The following RALGPS2 variants were observed in gnomAD, a reference collection of about 807,000 sequenced individuals.
RALGPS2 encodes ras-specific guanine nucleotide-releasing factor RalGPS2.
In RALGPS2, 43 loss-of-function variants were observed where a neutral mutation model predicts 86.8. The observed-to-expected ratio is 0.50, with a 90% confidence interval of 0.39 to 0.64. The LOEUF (loss-of-function observed/expected upper bound fraction) is 0.64, where lower values mean the gene tolerates loss of function less well. RALGPS2 is among the 30% of genes least tolerant of loss of function. The pLI is 0.00. For synonymous variants in RALGPS2, 243 were observed against 231.3 expected, an observed-to-expected ratio of 1.05 and a Z score of -0.46; for missense variants, 536 against 694.6, an observed-to-expected ratio of 0.77 and a Z score of 2.57.
At chr1:178,881,401 G>A (rs1007993871) in intron 10 of RALGPS2, among the ~76,000 whole-genome samples, 3 of 152,098 alleles carry the variant, frequency 2.0e-5, no homozygotes, top group Admixed American at 6.5e-5. Context: ...CATGGCGAAC[G>A]ATGAGTCATT....
chr1:178,798,051 C>T (rs959264326), intron 4 of RALGPS2, among the ~76,000 whole-genome samples: 4 of 147,842 alleles, frequency 2.7e-5, no homozygotes, highest in Admixed American at 2.0e-4. Flanking sequence ...AAAGGGATGG[C>T]GTGAATGTAT....
At chr1:178,812,390 C>T (rs1026060605) in intron 6 of RALGPS2, among the ~76,000 whole-genome samples, 1 of 152,084 alleles carries the variant, frequency 6.6e-6, no homozygotes, top group African/African-American at 2.4e-5. Context: ...CAGAGCTACC[C>T]TCAGAAAGAA....
intron 14 of RALGPS2, among the ~76,000 whole-genome samples, chr1:178,891,598 T>C (rs1023010946): frequency 2.0e-5 from 3 of 151,954 alleles, no homozygotes; most frequent in African/African-American, 7.3e-5. Flanking sequence ...TATGTGTCTG[T>C]TTTTATTTTT....
chr1:178,892,644 A>C (rs1239778250), intron 15 of RALGPS2, among the ~76,000 whole-genome samples: 1 of 152,150 alleles, frequency 6.6e-6, no homozygotes, highest in African/African-American at 2.4e-5. Context: ...CATAAGTTGT[A>C]ATCAAAGCAT....
At chr1:178,765,565 G>A (rs1009705021) in intron 1 of RALGPS2, among the ~76,000 whole-genome samples, 3 of 152,174 alleles carry the variant, frequency 2.0e-5, no homozygotes, top group Non-Finnish European at 2.9e-5. Flanking sequence ...TTTCGGGCAC[G>A]CATTGTCATT....
intron 4 of RALGPS2, among the ~76,000 whole-genome samples, chr1:178,786,531 TC>T (rs1307581566): frequency 6.6e-6 from 1 of 151,958 alleles, no homozygotes; most frequent in Non-Finnish European, 1.5e-5. Flanking sequence ...TGTATAGTGT[TC>T]CTATCATTTT....
chr1:178,730,533 C>T (rs1232245419), intron 1 of RALGPS2, among the ~76,000 whole-genome samples: 2 of 150,202 alleles, frequency 1.3e-5, no homozygotes, highest in Non-Finnish European at 3.0e-5. Context: ...TACAAACTGT[C>T]CCAATATCAT....
intron 1 of RALGPS2, 29 bp downstream of exon 1, chr1:178,725,448 C>CGGGGGAGG (rs1379498460): frequency 5.6e-5 from 1 of 17,718 alleles, no homozygotes; most frequent in African/African-American, 2.1e-4. Context: ...CGGGGCGGTG[C>CGGGGGAGG]GGGGGAGGGA....
At chr1:178,856,206 T>G (rs12121050) in intron 8 of RALGPS2, among the ~76,000 whole-genome samples, 1,669 of 43,196 alleles carry the variant, frequency 0.039, 14 homozygotes, top group East Asian at 0.12. Flanking sequence ...GAGAGAGATA[T>G]ATATATATAT....
chr1:178,900,740 A>C (rs1414109237), intron 17 of RALGPS2, among the ~76,000 whole-genome samples: 1 of 151,998 alleles, frequency 6.6e-6, no homozygotes, highest in African/African-American at 2.4e-5. Flanking sequence ...AGCAGCAATG[A>C]CACAAACCTC....
At chr1:178,787,910 A>T (rs554778973) in intron 4 of RALGPS2, among the ~76,000 whole-genome samples, 71 of 152,250 alleles carry the variant, frequency 4.7e-4, no homozygotes, top group African/African-American at 1.7e-3. Context: ...TCTTTTCAAC[A>T]TCTGTTGGAT....
At chr1:178,735,704 A>G (rs1394097667) in intron 1 of RALGPS2, among the ~76,000 whole-genome samples, 1 of 149,610 alleles carries the variant, frequency 6.7e-6, no homozygotes, top group Non-Finnish European at 1.5e-5. Context: ...TACCTTAGAT[A>G]TATGTACATT....
intron 6 of RALGPS2, among the ~76,000 whole-genome samples, chr1:178,811,694 T>C (rs566073638): frequency 6.6e-6 from 1 of 152,182 alleles, no homozygotes; most frequent in Non-Finnish European, 1.5e-5. Flanking sequence ...AAGTATGATA[T>C]TTATAAAATA....
chr1:178,873,367 C>A (rs1482510215), intron 8 of RALGPS2, among the ~76,000 whole-genome samples: 9 of 151,912 alleles, frequency 5.9e-5, no homozygotes, highest in Admixed American at 1.3e-4. Flanking sequence ...TACGTTTAAC[C>A]TTATTACTAA....
chr1:178,853,976 G>A (rs188418858), intron 8 of RALGPS2, among the ~76,000 whole-genome samples: 14 of 151,760 alleles, frequency 9.2e-5, no homozygotes, highest in Middle Eastern at 6.8e-3. Context: ...AATTTGTTTC[G>A]TTTTCATCTG....
intron 1 of RALGPS2, chr1:178,746,734 C>T (rs1651351654): frequency 3.8e-6 from 3 of 782,056 alleles, no homozygotes; most frequent in African/African-American, 1.7e-5. Context: ...TCTCATTTAG[C>T]CTCTATTTCA....
intron 8 of RALGPS2, among the ~76,000 whole-genome samples, chr1:178,845,621 T>G (rs1656828936): frequency 6.6e-6 from 1 of 152,236 alleles, no homozygotes; most frequent in African/African-American, 2.4e-5. Context: ...AATTTCTGTT[T>G]AAACAATAAA....
chr1:178,812,157 T>TG (rs1314759898), intron 6 of RALGPS2, among the ~76,000 whole-genome samples: 1 of 152,040 alleles, frequency 6.6e-6, no homozygotes, highest in East Asian at 1.9e-4. Flanking sequence ...GCCAAATGGT[T>TG]GATGCTTAAA....
chr1:178,832,622 ACAC>A (rs943928463), intron 7 of RALGPS2, among the ~76,000 whole-genome samples: 11 of 152,178 alleles, frequency 7.2e-5, no homozygotes, highest in African/African-American at 1.9e-4. Flanking sequence ...CTGTAAAACA[ACAC>A]CAATATTTTA....
Sources: allele counts gnomAD v4.1 joint callset (sites outside exome capture counted in the v4.1 genomes callset), GRCh38; gene constraint gnomAD v4.1.1; transcripts MANE v1.5; gene names NCBI Gene and HGNC (gene_info 2026-07-23, HGNC 2026-07-21).